The following ERBIN variants were observed in gnomAD, a reference collection of about 807,000 sequenced individuals.
ERBIN encodes densin-180-like protein.
ERBIN carries 60 observed loss-of-function variants against 158.4 expected under a neutral mutation model. That is an observed-to-expected ratio of 0.38 (90% CI 0.31 to 0.47). The LOEUF (loss-of-function observed/expected upper bound fraction) is 0.47. Ranked by LOEUF, ERBIN falls within the 20% of genes least tolerant of loss-of-function variation. ERBIN has a pLI of 0.99. For missense variants in ERBIN, 1,610 were observed against 1,648.0 expected (o/e 0.98, Z 0.40); for synonymous variants, 594 against 557.2 (o/e 1.07, Z -0.93).
intron 4 of ERBIN, among the ~76,000 whole-genome samples, chr5:66,003,589 A>G (rs1753226050): frequency 6.6e-6 from 1 of 152,210 alleles, no homozygotes; most frequent in Non-Finnish European, 1.5e-5. Flanking sequence ...TGGCTTGGAC[A>G]ATATCATGTT....
chr5:65,983,791 C>G (rs930111119), intron 1 of ERBIN, among the ~76,000 whole-genome samples: 6 of 152,180 alleles, frequency 3.9e-5, no homozygotes, highest in Admixed American at 3.3e-4. Context: ...TCAGGGCACC[C>G]CCCCCAACTG....
chr5:66,021,646 A>T (rs143855492), intron 8 of ERBIN, among the ~76,000 whole-genome samples: 2 of 152,096 alleles, frequency 1.3e-5, no homozygotes, highest in African/African-American at 4.8e-5. Flanking sequence ...TTAGCATAGG[A>T]AGCAGAAAAT....
intron 4 of ERBIN, among the ~76,000 whole-genome samples, chr5:66,010,763 T>C (rs959294036): frequency 3.9e-5 from 6 of 152,222 alleles, no homozygotes; most frequent in African/African-American, 1.4e-4. Flanking sequence ...ACACAGGCTA[T>C]ATAAAATTCA....
At chr5:66,077,015 T>C in intron 25 of ERBIN, 66 bp downstream of exon 25, 1 of 1,246,250 alleles carries the variant, frequency 8.0e-7, no homozygotes, top group Non-Finnish European at 1.1e-6. Flanking sequence ...GTTTAAAATG[T>C]TTTCACTTTA....
At chr5:66,050,337 C>T (rs1758899026) in intron 19 of ERBIN, among the ~76,000 whole-genome samples, 1 of 13,454 alleles carries the variant, frequency 7.4e-5, no homozygotes, top group East Asian at 6.3e-4. Context: ...CTCCGCCTCC[C>T]GGGTTCACGC....
At chr5:65,937,750 T>C (rs901752676) in intron 1 of ERBIN, among the ~76,000 whole-genome samples, 4 of 152,028 alleles carry the variant, frequency 2.6e-5, no homozygotes, top group Non-Finnish European at 5.9e-5. Context: ...CTACTAAAAA[T>C]ACAAAAAAAT....
chr5:65,945,357 T>A (rs1203088971), intron 1 of ERBIN, among the ~76,000 whole-genome samples: 1 of 152,254 alleles, frequency 6.6e-6, no homozygotes, highest in African/African-American at 2.4e-5. Context: ...CATTAGTTTC[T>A]ATAGTAGTCA....
intron 1 of ERBIN, among the ~76,000 whole-genome samples, chr5:65,975,187 T>C (rs1427632388): frequency 2.0e-5 from 3 of 152,138 alleles, no homozygotes; most frequent in Non-Finnish European, 4.4e-5. Flanking sequence ...TTTGTATTAT[T>C]GGTAGAGACA....
chr5:65,949,052 C>T (rs1746170566), intron 1 of ERBIN, among the ~76,000 whole-genome samples: 1 of 152,060 alleles, frequency 6.6e-6, no homozygotes, highest in Non-Finnish European at 1.5e-5. Flanking sequence ...GTTTGAGCCA[C>T]CGTGCCTGGC....
intron 21 of ERBIN, among the ~76,000 whole-genome samples, chr5:66,064,972 T>G (rs1325428386): frequency 1.3e-5 from 2 of 152,338 alleles, no homozygotes; most frequent in East Asian, 3.9e-4. Flanking sequence ...AGTGCTGTGA[T>G]TACAGATGTG....
Position 65,994,731 on chromosome 5 carries a change from T to A in ERBIN, c.190-16T>A. On this transcript the variant is annotated splice_polypyrimidine_tract_variant and intron_variant, in intron 3 of 25. Transcript: ENST00000284037. ...GATGTATATAATTGACATTCTTTCC[T>A]CCCTTTTTTCAATAGCAACTTTTTA... The A allele has an allele frequency of 7.1e-7, 1 of 1,402,744 alleles. No homozygotes were observed. Among genetic ancestry groups the A allele is most frequent in the Non-Finnish European group, 9.9e-7 (1 of 1,007,068 alleles). 86.9% of individuals were successfully genotyped at this position (1,402,744 alleles called of 1,614,324 possible).
chr5:65,928,558 A>G (rs1360922283), intron 1 of ERBIN, among the ~76,000 whole-genome samples: 3 of 152,224 alleles, frequency 2.0e-5, no homozygotes, highest in East Asian at 1.9e-4. Flanking sequence ...GTATAAAAAA[A>G]GTATTGTAGC....
At chr5:66,022,544 T>G (rs1378035036) in intron 8 of ERBIN, among the ~76,000 whole-genome samples, 1 of 152,234 alleles carries the variant, frequency 6.6e-6, no homozygotes, top group African/African-American at 2.4e-5. Flanking sequence ...GATAGTACTC[T>G]GTGCCATCAC....
At position 66,075,133 on chromosome 5, in the gene ERBIN, A is replaced by G; in HGVS notation, c.3866A>G (p.Gln1289Arg). ...GTGGCAAGGCATCCCTCTAGAGAAC[A>G]ACTAATTGATTACTTGATGCTGAAA... ...ASVARHPSRE[Q>R]LIDYLMLKVA... is the part of the protein sequence containing the mutation. Residue 1289 changes from glutamine (Q) to arginine (R), a missense_variant, in exon 23 of 26, where the codon CAA becomes CGA. Physicochemically the swap from Gln to Arg is conservative, Grantham distance 43 (BLOSUM62 1). This residue lies in a region of ERBIN where 1,014 missense variants were observed against 936.1 expected (regional missense o/e 1.08). Transcript: ENST00000284037. 1.2e-6 allele frequency: 2 copies of G among 1,614,164 alleles called. No homozygotes were observed. Among genetic ancestry groups the G allele is most frequent in the Non-Finnish European group, 1.7e-6 (2 of 1,180,014 alleles).
At chr5:65,929,039 A>G (rs545990185) in intron 1 of ERBIN, among the ~76,000 whole-genome samples, 51 of 152,330 alleles carry the variant, frequency 3.3e-4, no homozygotes, top group Middle Eastern at 3.4e-3. Flanking sequence ...CAGGACTTCA[A>G]CTGATTCAAG....
chr5:65,966,159 A>G (rs1418269772), intron 1 of ERBIN, among the ~76,000 whole-genome samples: 1 of 152,228 alleles, frequency 6.6e-6, no homozygotes, highest in Non-Finnish European at 1.5e-5. Context: ...TGAAGCTGAA[A>G]AATATCTATT....
At chr5:66,050,166 T>A (rs1758871975) in intron 19 of ERBIN, among the ~76,000 whole-genome samples, 1 of 151,606 alleles carries the variant, frequency 6.6e-6, no homozygotes, top group South Asian at 2.1e-4. Context: ...TTCATTGAAA[T>A]TAACTGACCT....
At chr5:66,001,382 TATC>T (rs1012461206) in intron 4 of ERBIN, among the ~76,000 whole-genome samples, 7 of 152,190 alleles carry the variant, frequency 4.6e-5, no homozygotes, top group Non-Finnish European at 7.4e-5. Flanking sequence ...TTATTCATCA[TATC>T]ATCAAGCTGT....
rs148588885 is a variant in ERBIN, at chr5:65,945,370, G to A, written c.-58+18564G>A. The stretch of plus-strand genomic sequence containing the variant: ...TTCATTAGTTTCTATAGTAGTCACC[G>A]TTTCTTCCAATGTCATTTAAATGTT... On this transcript the variant is annotated intron_variant, in intron 1 of 25. Coordinates refer to ENST00000284037, the MANE Select transcript of ERBIN (RefSeq NM_001253697.2). Among the ~76,000 whole-genome samples, 1,406 of 152,198 alleles carry A rather than the reference G, an allele frequency of 9.2e-3. 11 individuals carry two copies. The highest frequency in any genetic ancestry group is 0.016 in the Non-Finnish European group (1,084 of 68,000).
Sources: gnomAD v4.1 joint callset for allele counts (sites outside exome capture counted in the v4.1 genomes callset) on GRCh38, gnomAD v4.1.1 for gene constraint, gnomAD v4.1.1 regional missense constraint, MANE v1.5 for transcripts, NCBI Gene and HGNC (gene_info 2026-07-23, HGNC 2026-07-21) for gene names.